Variants in TUSC3 observed in about 807,000 individuals in gnomAD.
TUSC3 encodes the protein dolichyl-diphosphooligosaccharide--protein glycosyltransferase subunit TUSC3.
TUSC3 carries 45 observed loss-of-function variants against 44.8 expected under a neutral mutation model. The ratio of observed to expected loss-of-function variants is 1.00; its 90% CI spans 0.79 to 1.29. The LOEUF (loss-of-function observed/expected upper bound fraction) is 1.29. Among genes scored for constraint, TUSC3 ranks in the 50% most tolerant of loss-of-function variants. TUSC3 has a pLI of 0.00. For missense variants in TUSC3, 519 were observed against 437.9 expected (o/e 1.19, Z -1.65); for synonymous variants, 212 against 152.9 (o/e 1.39, Z -2.85).
intron 1 of TUSC3, among the ~76,000 whole-genome samples, chr8:15,549,721 C>T (rs1481774941): frequency 1.3e-5 from 2 of 151,524 alleles, no homozygotes; most frequent in Admixed American, 6.6e-5. Flanking sequence ...AAGTTTTTCT[C>T]GTACTCATAA....
At chr8:15,516,987 T>G (rs923422718) in intron 2 of TUSC3, among the ~76,000 whole-genome samples, 2 of 152,168 alleles carry the variant, frequency 1.3e-5, no homozygotes, top group Admixed American at 1.3e-4. Flanking sequence ...GTGATAGAAT[T>G]TTAGAAATAA....
chr8:15,470,997 A>C (rs1174992905), intron 1 of TUSC3, among the ~76,000 whole-genome samples: 1 of 152,208 alleles, frequency 6.6e-6, no homozygotes, highest in African/African-American at 2.4e-5. Flanking sequence ...ATTATGGTCA[A>C]AATTTCATCA....
At chr8:15,577,315 A>G (rs1028967636) in intron 1 of TUSC3, among the ~76,000 whole-genome samples, 8 of 151,702 alleles carry the variant, frequency 5.3e-5, no homozygotes, top group African/African-American at 1.9e-4. Flanking sequence ...TCTTGAGTTT[A>G]ATGAGATCCC....
chr8:15,692,791 G>A (rs1233907516), intron 6 of TUSC3, among the ~76,000 whole-genome samples: 1 of 151,352 alleles, frequency 6.6e-6, no homozygotes, highest in Non-Finnish European at 1.5e-5. Context: ...TTCCACTATT[G>A]GACTGTGTGG....
At chr8:15,776,929 C>T in the TUSC3 span, among the ~76,000 whole-genome samples, 130 of 86,766 alleles carry the variant, frequency 1.5e-3, no homozygotes, top group Non-Finnish European at 1.9e-3. Flanking sequence ...GTCATGTGTT[C>T]ATTCAAAAAA....
At chr8:15,466,158 A>C (rs373207354) in intron 1 of TUSC3, among the ~76,000 whole-genome samples, 1 of 152,134 alleles carries the variant, frequency 6.6e-6, no homozygotes, top group East Asian at 1.9e-4. Context: ...ATTTTGAAAC[A>C]TGTATGTTAA....
chr8:15,654,079 G>A (rs1408159183), intron 3 of TUSC3, among the ~76,000 whole-genome samples: 2 of 152,144 alleles, frequency 1.3e-5, no homozygotes, highest in Non-Finnish European at 2.9e-5. Flanking sequence ...TAGCCCTGGG[G>A]AATTGGGCAT....
intron 1 of TUSC3, among the ~76,000 whole-genome samples, chr8:15,541,040 T>A (rs894962094): frequency 2.0e-5 from 3 of 152,246 alleles, no homozygotes; most frequent in African/African-American, 7.2e-5. Context: ...TTTGTTTATG[T>A]TGAACTCGGT....
At chr8:15,818,224 A>G in the TUSC3 span, among the ~76,000 whole-genome samples, 144,328 of 152,246 alleles carry the variant, frequency 0.95, 68,468 homozygotes, top group Non-Finnish European at 0.97. Flanking sequence ...AAATTGACAC[A>G]TGATAGTCAT....
At chr8:15,799,921 T>G in the TUSC3 span, among the ~76,000 whole-genome samples, 10,076 of 152,140 alleles carry the variant, frequency 0.066, 597 homozygotes, top group African/African-American at 0.15. Flanking sequence ...TTTCCTGAGC[T>G]CCAAGTCCCA....
At position 15,561,585 on chromosome 8, in the gene TUSC3, G is replaced by A. The variant is rs930583322; in HGVS notation, c.138+21017G>A. 157 of 155,574 alleles carry A rather than the reference G, an allele frequency of 1.0e-3. 1 individual carries two copies. The highest frequency in any genetic ancestry group is 1.1e-3 in the Non-Finnish European group (77 of 71,098). The allele number at this position is 155,574 out of a possible 1,614,324, so 9.6% of individuals were successfully genotyped here. A position where few individuals can be genotyped will look rare whatever the true frequency, so the allele number is the denominator to read the frequency against. ...TACCTAATCAAGCCTGGGCAATGGC[G>A]GGTGCCCCTCCCCCAGCCTCACTGC... On this transcript the variant is annotated intron_variant, in intron 1 of 10. Transcript: ENST00000503731.
chr8:15,534,536 G>C (rs968689885), intron 2 of TUSC3, among the ~76,000 whole-genome samples: 1 of 151,790 alleles, frequency 6.6e-6, no homozygotes, highest in Non-Finnish European at 1.5e-5. Flanking sequence ...CCAGCTACTC[G>C]GGAGGCTGAG....
chr8:15,803,304 CAT>C, the TUSC3 span, among the ~76,000 whole-genome samples: 1 of 152,138 alleles, frequency 6.6e-6, no homozygotes, highest in Non-Finnish European at 1.5e-5. Flanking sequence ...GAAATGCACA[CAT>C]ATCTTAGTAA....
the TUSC3 span, among the ~76,000 whole-genome samples, chr8:15,848,990 C>T: frequency 1.2e-4 from 19 of 152,070 alleles, no homozygotes; most frequent in South Asian, 6.2e-4. Flanking sequence ...AATTCTGACA[C>T]GTATTTCTAT....
At chr8:15,646,687 T>C (rs2129174008) in intron 2 of TUSC3, among the ~76,000 whole-genome samples, 1 of 152,232 alleles carries the variant, frequency 6.6e-6, no homozygotes, top group Non-Finnish European at 1.5e-5. Flanking sequence ...AAAAAAGAAC[T>C]GCAGAAGAGG....
intron 2 of TUSC3, among the ~76,000 whole-genome samples, chr8:15,514,155 CG>C (rs1801179460): frequency 6.6e-6 from 1 of 152,074 alleles, no homozygotes; most frequent in South Asian, 2.1e-4. Context: ...ATGTCATTTA[CG>C]CCGCATTATT....
chr8:15,723,428 T>C (rs1010853596), intron 6 of TUSC3, among the ~76,000 whole-genome samples: 3 of 152,206 alleles, frequency 2.0e-5, no homozygotes, highest in Middle Eastern at 3.2e-3. Context: ...AAATATTTAA[T>C]GAAGTGCTTA....
At chr8:15,718,852 A>G (rs917181608) in intron 6 of TUSC3, among the ~76,000 whole-genome samples, 1 of 152,116 alleles carries the variant, frequency 6.6e-6, no homozygotes, top group Non-Finnish European at 1.5e-5. Context: ...TATACATCCT[A>G]TCAGTTTTAA....
intron 1 of TUSC3, among the ~76,000 whole-genome samples, chr8:15,427,476 CAG>C (rs983098494): frequency 3.3e-5 from 5 of 152,080 alleles, no homozygotes; most frequent in African/African-American, 1.2e-4. Context: ...AGTAAGATCT[CAG>C]GGGTGTAGAG....
Sources: allele counts gnomAD v4.1 joint callset (sites outside exome capture counted in the v4.1 genomes callset), GRCh38; gene constraint gnomAD v4.1.1; transcripts MANE v1.5; gene names NCBI Gene and HGNC (gene_info 2026-07-23, HGNC 2026-07-21).